The following RPTOR variants were observed in gnomAD, a reference collection of about 807,000 sequenced individuals.
The protein encoded by RPTOR is regulatory-associated protein of mTOR.
In RPTOR, 21 loss-of-function variants were observed where a neutral mutation model predicts 169.9. That is an observed-to-expected ratio of 0.12 (90% CI 0.09 to 0.18). The LOEUF is 0.18. Ranked by LOEUF, RPTOR falls within the 10% of genes least tolerant of loss-of-function variation. The pLI is 1.00. For missense variants in RPTOR, 1,133 were observed against 1,855.9 expected (o/e 0.61, Z 7.16); for synonymous variants, 732 against 753.2 (o/e 0.97, Z 0.46).
chr17:80,703,082 C>T lies in RPTOR; in HGVS notation c.349-4759C>T, dbSNP rs1011139026. Among the ~76,000 whole-genome samples, 4 of 152,268 alleles carry T rather than the reference C, an allele frequency of 2.6e-5. No individual in the cohort carries two copies. The South Asian group carries it at 6.2e-4, about 24-fold the overall frequency. Reference sequence around the variant, plus strand: ...GGGAGACAGATGTGGAGATCAGCACCGTGGCTTGTTCTTATTTTGGGGTGC... The same window carrying T: ...GGGAGACAGATGTGGAGATCAGCACTGTGGCTTGTTCTTATTTTGGGGTGC... On this transcript the variant is annotated intron_variant, in intron 3 of 33. Transcript: ENST00000306801.
chr17:80,705,993 C>G (rs1046228825), intron 3 of RPTOR, among the ~76,000 whole-genome samples: 1 of 152,162 alleles, frequency 6.6e-6, no homozygotes, highest in South Asian at 2.1e-4. Flanking sequence ...CTCCCCTGCA[C>G]GTTCCAAACA....
rs376612644 is a variant in RPTOR, at chr17:80,635,036, T to C, written c.266-8692T>C. Among the ~76,000 whole-genome samples, 35 of 152,164 alleles carry C rather than the reference T, an allele frequency of 2.3e-4. 1 individual carries two copies. The South Asian group carries it at 7.1e-3, about 31-fold the overall frequency. On this transcript the variant is annotated intron_variant, in intron 2 of 33. Transcript: ENST00000306801. Reference sequence around the variant, plus strand: ...TGCCTCCTATTCCACCTCATGGGGGTTTTCCATATTTGTAGCTCCATCTTC... The same window carrying C: ...TGCCTCCTATTCCACCTCATGGGGGCTTTCCATATTTGTAGCTCCATCTTC...
At chr17:80,884,349 G>C (rs967078790) in intron 16 of RPTOR, among the ~76,000 whole-genome samples, 9 of 152,234 alleles carry the variant, frequency 5.9e-5, no homozygotes, top group Admixed American at 1.3e-4. Flanking sequence ...GCCTGGTGCA[G>C]CTGGGAAAGG....
chr17:80,777,431 A>T (rs1002253241), intron 6 of RPTOR, among the ~76,000 whole-genome samples: 1 of 152,126 alleles, frequency 6.6e-6, no homozygotes, highest in Admixed American at 6.5e-5. Context: ...TGTCTCTGGT[A>T]TGTCTTCATT....
chr17:80,697,710 C>T (rs780610749), intron 3 of RPTOR, among the ~76,000 whole-genome samples: 4 of 152,230 alleles, frequency 2.6e-5, no homozygotes, highest in Non-Finnish European at 5.9e-5. Context: ...GGACACTGGG[C>T]TGAGCAGAGG....
rs773828213 is a variant in RPTOR, at chr17:80,550,494, A to C, written c.162+4703A>C. On this transcript the variant is annotated intron_variant, in intron 1 of 33. Transcript: ENST00000306801. ...GATCTCATCGGGGCCCATGATTTTA[A>C]ATAGTGTCTACATGCCAGTGATGCT... is the stretch of plus-strand genomic sequence containing the variant. Among the ~76,000 whole-genome samples, 60 of 152,154 alleles carry C rather than the reference A, an allele frequency of 3.9e-4. 1 individual carries two copies. Among genetic ancestry groups the C allele is most frequent in the Non-Finnish European group, 7.2e-4 (49 of 68,042 alleles).
intron 1 of RPTOR, among the ~76,000 whole-genome samples, chr17:80,581,866 A>T (rs1202531911): frequency 1.3e-5 from 2 of 152,236 alleles, no homozygotes; most frequent in Non-Finnish European, 2.9e-5. Context: ...CACAGAGCAC[A>T]CCTGAGAAAT....
intron 6 of RPTOR, among the ~76,000 whole-genome samples, chr17:80,763,479 C>T (rs1018477630): frequency 1.3e-5 from 2 of 152,122 alleles, no homozygotes; most frequent in Non-Finnish European, 2.9e-5. Flanking sequence ...CACCTGACAA[C>T]GTGGCCTCGA....
At chr17:80,644,085 A>G (rs184015947) in intron 3 of RPTOR, among the ~76,000 whole-genome samples, 1 of 152,366 alleles carries the variant, frequency 6.6e-6, no homozygotes, top group Non-Finnish European at 1.5e-5. Context: ...AAGAAAAAGT[A>G]TTCTTTTCGC....
intron 6 of RPTOR, among the ~76,000 whole-genome samples, chr17:80,791,176 T>C (rs1317584966): frequency 1.3e-5 from 2 of 152,164 alleles, no homozygotes; most frequent in East Asian, 1.9e-4. Flanking sequence ...TCGGCGCTCC[T>C]CTCCAGGGAC....
chr17:80,735,864 A>G (rs1222834755), intron 5 of RPTOR, among the ~76,000 whole-genome samples: 1 of 152,096 alleles, frequency 6.6e-6, no homozygotes, highest in Non-Finnish European at 1.5e-5. Context: ...TGTGTGTCAG[A>G]AGAGTCTTGT....
At chr17:80,911,033 G>A (rs1047526080) in intron 21 of RPTOR, among the ~76,000 whole-genome samples, 2 of 151,908 alleles carry the variant, frequency 1.3e-5, no homozygotes, top group South Asian at 2.1e-4. Context: ...GGGTTTCACC[G>A]TGTTGGCCAG....
intron 4 of RPTOR, among the ~76,000 whole-genome samples, chr17:80,724,721 C>T (rs376503073): frequency 1.7e-3 from 259 of 152,286 alleles, no homozygotes; most frequent in African/African-American, 5.6e-3. Context: ...TTCCAGAGGG[C>T]GACTGTCTGC....
intron 13 of RPTOR, among the ~76,000 whole-genome samples, chr17:80,866,200 A>C (rs1161584416): frequency 6.7e-6 from 1 of 149,436 alleles, no homozygotes; most frequent in Non-Finnish European, 1.5e-5. Context: ...TATAATGTAC[A>C]TATAATTATA....
intron 1 of RPTOR, among the ~76,000 whole-genome samples, chr17:80,556,252 C>T (rs2084407067): frequency 1.3e-5 from 2 of 152,068 alleles, no homozygotes; most frequent in South Asian, 4.1e-4. Flanking sequence ...ACAACAATTC[C>T]CTAGCTGGGC....
At chr17:80,763,079 C>T (rs2066751297) in intron 6 of RPTOR, among the ~76,000 whole-genome samples, 1 of 152,052 alleles carries the variant, frequency 6.6e-6, no homozygotes, top group Admixed American at 6.6e-5. Context: ...GACCCTGTCT[C>T]TACTAAAAAT....
intron 13 of RPTOR, among the ~76,000 whole-genome samples, chr17:80,875,842 G>C (rs1167294191): frequency 6.9e-6 from 1 of 144,172 alleles, no homozygotes; most frequent in Non-Finnish European, 1.5e-5. Context: ...CCCAGGATGT[G>C]TGTGTCACCT....
chr17:80,654,533 T>A (rs962987441), intron 3 of RPTOR, among the ~76,000 whole-genome samples: 7 of 152,148 alleles, frequency 4.6e-5, no homozygotes, highest in African/African-American at 1.7e-4. Context: ...CACCTGTGAC[T>A]GGAGGGCTGG....
At chr17:80,952,704 T>A (rs1052104211) in intron 28 of RPTOR, among the ~76,000 whole-genome samples, 1 of 152,090 alleles carries the variant, frequency 6.6e-6, no homozygotes, top group African/African-American at 2.4e-5. Context: ...CCAGGGCACC[T>A]CTCTGTTCTT....
Sources: allele counts gnomAD v4.1 joint callset (sites outside exome capture counted in the v4.1 genomes callset), GRCh38; gene constraint gnomAD v4.1.1; transcripts MANE v1.5; gene names NCBI Gene and HGNC (gene_info 2026-07-23, HGNC 2026-07-21).